Variants in EPC2 observed in about 807,000 individuals in gnomAD.
EPC2 encodes the protein enhancer of polycomb homolog 2.
Under a neutral mutation model 92.1 loss-of-function variants are expected in EPC2, and 14 were observed. The observed-to-expected ratio is 0.15, with a 90% CI of 0.10 to 0.24. The LOEUF is 0.24. Ranked by LOEUF, EPC2 falls within the 10% of genes least tolerant of loss-of-function variation. EPC2 has a pLI of 1.00. For synonymous variants in EPC2, 340 were observed against 334.7 expected, an observed-to-expected ratio of 1.02 and a Z score of -0.17; for missense variants, 755 against 971.5, an observed-to-expected ratio of 0.78 and a Z score of 2.96.
intron 10 of EPC2, among the ~76,000 whole-genome samples, chr2:148,773,068 A>T (rs559063619): frequency 6.6e-6 from 1 of 152,134 alleles, no homozygotes; most frequent in African/African-American, 2.4e-5. Flanking sequence ...GCTTTCTCCT[A>T]TACATTCCAG....
chr2:148,746,065 T>A (rs1307213171), intron 3 of EPC2, among the ~76,000 whole-genome samples: 1 of 152,040 alleles, frequency 6.6e-6, no homozygotes, highest in Non-Finnish European at 1.5e-5. Flanking sequence ...CTCATGACCA[T>A]TCCTTCTTTC....
intron 1 of EPC2, among the ~76,000 whole-genome samples, chr2:148,669,238 C>T (rs1180686197): frequency 6.6e-6 from 1 of 152,042 alleles, no homozygotes; most frequent in African/African-American, 2.4e-5. Context: ...TGGTTTTGTT[C>T]CCCTCTCCCT....
At chr2:148,758,699 C>T (rs972253726) in intron 4 of EPC2, among the ~76,000 whole-genome samples, 1 of 151,772 alleles carries the variant, frequency 6.6e-6, no homozygotes, top group Non-Finnish European at 1.5e-5. Flanking sequence ...CCCGGCCTAA[C>T]ATATTTGTTA....
intron 1 of EPC2, among the ~76,000 whole-genome samples, chr2:148,688,347 G>A (rs1277237724): frequency 1.3e-5 from 2 of 152,030 alleles, no homozygotes; most frequent in African/African-American, 4.8e-5. Context: ...ACTCATAGGT[G>A]GGAATTGAAC....
In EPC2 at chr2:148,689,454, A is replaced by G. The variant is rs1237941063; in HGVS notation, c.154-760A>G. 2.6e-5 allele frequency among the ~76,000 whole-genome samples: 4 copies of G among 152,212 alleles called. No individual in the cohort carries two copies. The South Asian group carries it at 8.3e-4, about 32-fold the overall frequency. ...TGGCCTCCCAAAGTGCTGGGATTAC[A>G]GGCATGAGCCACCACCCAGCCATTG... On this transcript the variant is annotated intron_variant, in intron 1 of 13. Transcript: ENST00000258484.
chr2:148,734,817 T>TA (rs397737723), intron 2 of EPC2, among the ~76,000 whole-genome samples: 1 of 151,042 alleles, frequency 6.6e-6, no homozygotes, highest in African/African-American at 2.4e-5. Flanking sequence ...TTTTTTTTTT[T>TA]AACTCAGCCT....
chr2:148,664,497 CAAAT>C (rs1204860668), intron 1 of EPC2, among the ~76,000 whole-genome samples: 1 of 152,160 alleles, frequency 6.6e-6, no homozygotes, highest in Non-Finnish European at 1.5e-5. Flanking sequence ...GTCAATGTCT[CAAAT>C]AAATAAACGC....
chr2:148,758,539 G>A (rs1244973362), intron 4 of EPC2, among the ~76,000 whole-genome samples: 1 of 152,070 alleles, frequency 6.6e-6, no homozygotes, highest in Admixed American at 6.5e-5. Context: ...GGGACTACAG[G>A]CGCTTGCCAC....
chr2:148,690,693 C>T (rs1424514415), intron 2 of EPC2, among the ~76,000 whole-genome samples: 1 of 151,558 alleles, frequency 6.6e-6, no homozygotes, highest in Non-Finnish European at 1.5e-5. Flanking sequence ...GAGACAGAGT[C>T]TCTCTGTTAC....
intron 10 of EPC2, among the ~76,000 whole-genome samples, chr2:148,775,683 T>TAATTAAATAAAATTAAATTTAATTA: frequency 1.4e-5 from 2 of 147,722 alleles, no homozygotes; most frequent in Non-Finnish European, 3.0e-5. Flanking sequence ...AAATTTAATT[T>TAATTAAATAAAATTAAATTTAATTA]AATTAAATAA....
intron 2 of EPC2, among the ~76,000 whole-genome samples, chr2:148,743,315 A>G (rs765245316): frequency 6.6e-6 from 1 of 152,110 alleles, no homozygotes; most frequent in Non-Finnish European, 1.5e-5. Flanking sequence ...GTTTCTCATT[A>G]TGCCACCAAA....
intron 2 of EPC2, among the ~76,000 whole-genome samples, chr2:148,730,400 C>T (rs553479061): frequency 7.9e-5 from 12 of 152,192 alleles, no homozygotes; most frequent in Non-Finnish European, 1.2e-4. Context: ...TTTTAAAGTT[C>T]AGTGTATTTC....
chr2:148,648,657 A>C (rs546481436), intron 1 of EPC2, among the ~76,000 whole-genome samples: 1 of 151,474 alleles, frequency 6.6e-6, no homozygotes, highest in South Asian at 2.1e-4. Context: ...ATCCCCACCC[A>C]CCCTTAAAAT....
chr2:148,681,638 GCTGA>G (rs1681399604), intron 1 of EPC2, among the ~76,000 whole-genome samples: 1 of 151,850 alleles, frequency 6.6e-6, no homozygotes, highest in African/African-American at 2.4e-5. Context: ...AAAAAAAATT[GCTGA>G]CTATGACCTA....
intron 3 of EPC2, among the ~76,000 whole-genome samples, chr2:148,746,620 T>C (rs546681929): frequency 6.6e-6 from 1 of 152,238 alleles, no homozygotes; most frequent in South Asian, 2.1e-4. Flanking sequence ...GCTATGAAGA[T>C]TATTTTTGAG....
chr2:148,739,830 C>CTTTTTT (rs879739457), intron 2 of EPC2, among the ~76,000 whole-genome samples: 36 of 96,684 alleles, frequency 3.7e-4, no homozygotes, highest in East Asian at 1.6e-3. Flanking sequence ...TTTTCTTCTT[C>CTTTTTT]TTCTTTTTTT....
chr2:148,684,686 C>A (rs1241924835), intron 1 of EPC2, among the ~76,000 whole-genome samples: 2 of 152,230 alleles, frequency 1.3e-5, no homozygotes, highest in Non-Finnish European at 2.9e-5. Flanking sequence ...CTTTCCTCTA[C>A]AGCGGATACC....
intron 1 of EPC2, among the ~76,000 whole-genome samples, chr2:148,663,690 C>A: frequency 6.8e-6 from 1 of 146,508 alleles, no homozygotes; most frequent in Admixed American, 6.8e-5. Context: ...TAGCAGTAGT[C>A]CCCAACCTTT....
Position 148,677,881 on chromosome 2 carries a change from G to A in EPC2, c.154-12333G>A, listed in dbSNP as rs370836038. Among the ~76,000 whole-genome samples, 13 of 152,252 alleles carry A rather than the reference G, an allele frequency of 8.5e-5. No individual in the cohort carries two copies. The East Asian group carries it at 9.7e-4, about 11-fold the overall frequency. ...CAGGAGTGAAGCTGCAGACCTTCAC[G>A]GTGAGTGTTATAGCTCATAAAGGCA... On this transcript the variant is annotated intron_variant, in intron 1 of 13. Coordinates refer to ENST00000258484, the MANE Select transcript of EPC2 (RefSeq NM_015630.4).
Sources: allele counts gnomAD v4.1 joint callset (sites outside exome capture counted in the v4.1 genomes callset), GRCh38; gene constraint gnomAD v4.1.1; transcripts MANE v1.5; gene names NCBI Gene and HGNC (gene_info 2026-07-23, HGNC 2026-07-21).